Variants in SYNPO2 observed in about 807,000 individuals in gnomAD.
SYNPO2 encodes synaptopodin 2.
Under a neutral mutation model 85.0 loss-of-function variants are expected in SYNPO2, and 56 were observed. The ratio of observed to expected loss-of-function variants is 0.66; its 90% CI spans 0.53 to 0.82. SYNPO2 has a LOEUF of 0.82. SYNPO2 is among the 40% of genes least tolerant of loss of function. SYNPO2 has a pLI of 0.00. For synonymous variants in SYNPO2, 602 were observed against 591.1 expected (o/e 1.02, Z -0.27); for missense variants, 1,575 against 1,534.2 (o/e 1.03, Z -0.44).
intron 1 of SYNPO2, among the ~76,000 whole-genome samples, chr4:118,949,578 TAA>T (rs374941257): frequency 1.2e-4 from 15 of 121,676 alleles, no homozygotes; most frequent in East Asian, 2.3e-4. Context: ...CTGTCTCTAC[TAA>T]AAAAAAAAAA....
upstream of SYNPO2, among the ~76,000 whole-genome samples, chr4:118,885,869 G>C (rs1156476966): frequency 1.3e-5 from 2 of 152,214 alleles, no homozygotes; most frequent in Non-Finnish European, 2.9e-5. Context: ...CAATGATTAA[G>C]AATAGGTATT....
At chr4:118,857,993 GA>G (rs1439682402) in intron 1 of SYNPO2, among the ~76,000 whole-genome samples, 5 of 152,154 alleles carry the variant, frequency 3.3e-5, no homozygotes, top group African/African-American at 1.2e-4. Flanking sequence ...TCATGTTATT[GA>G]AAAACACAGG....
chr4:118,863,566 T>A (rs949771501), intron 1 of SYNPO2, among the ~76,000 whole-genome samples: 2 of 152,204 alleles, frequency 1.3e-5, no homozygotes, highest in Non-Finnish European at 2.9e-5. Flanking sequence ...ACTCTGCTAA[T>A]GTTTGTCAAT....
Position 118,852,168 on chromosome 4 carries a change from G to A in SYNPO2, c.12+1228G>A, listed in dbSNP as rs181303461. On this transcript the variant is annotated intron_variant, in intron 1 of 4. Coordinates refer to the SYNPO2 transcript ENST00000610556. ...GGGAAATGCAAATCAAAACCACAATGAGCTGCCATCTCACACTAGTCAGAA... is the reference window on the plus strand; with the variant it reads ...GGGAAATGCAAATCAAAACCACAATAAGCTGCCATCTCACACTAGTCAGAA... Among the ~76,000 whole-genome samples, 137 of 152,294 alleles carry A rather than the reference G, an allele frequency of 9.0e-4. 2 individuals are homozygous for A. The Middle Eastern group carries it at 0.02, about 23-fold the overall frequency.
At chr4:118,923,455 C>A (rs550246535) in intron 1 of SYNPO2, among the ~76,000 whole-genome samples, 2 of 152,126 alleles carry the variant, frequency 1.3e-5, no homozygotes, top group South Asian at 4.2e-4. Flanking sequence ...GTGCTTATTA[C>A]CTGGGCGATG....
chr4:119,056,768 G>A (rs972362631), intron 4 of SYNPO2, among the ~76,000 whole-genome samples: 3 of 152,080 alleles, frequency 2.0e-5, no homozygotes, highest in East Asian at 1.9e-4. Context: ...CCATGTGATC[G>A]TCACCATATA....
At chr4:119,026,293 A>C (rs1737939377) in intron 2 of SYNPO2, among the ~76,000 whole-genome samples, 3 of 152,232 alleles carry the variant, frequency 2.0e-5, no homozygotes, top group African/African-American at 7.2e-5. Context: ...ACATTCTAGC[A>C]AACTCATTAT....
intron 1 of SYNPO2, among the ~76,000 whole-genome samples, chr4:119,000,515 A>C (rs889581132): frequency 7.2e-5 from 11 of 152,080 alleles, no homozygotes; most frequent in African/African-American, 2.7e-4. Context: ...GAGTAATACA[A>C]CCCCAGGGAT....
chr4:118,915,204 C>A (rs1033028135), intron 1 of SYNPO2, among the ~76,000 whole-genome samples: 1 of 151,916 alleles, frequency 6.6e-6, no homozygotes, highest in African/African-American at 2.4e-5. Flanking sequence ...CTAATAATAT[C>A]ATAAACATAT....
chr4:118,936,272 A>G (rs183167699), intron 1 of SYNPO2, among the ~76,000 whole-genome samples: 1 of 152,218 alleles, frequency 6.6e-6, no homozygotes, highest in East Asian at 1.9e-4. Flanking sequence ...TCTCAAACAT[A>G]TCTCCATCGT....
At chr4:119,033,003 T>C in intron 4 of SYNPO2, 2 of 984,062 alleles carry the variant, frequency 2.0e-6, no homozygotes, top group Non-Finnish European at 2.4e-6. Context: ...CATAAGTTTG[T>C]TTTCCTCAGC....
At chr4:118,915,118 T>C (rs1055669809) in intron 1 of SYNPO2, among the ~76,000 whole-genome samples, 26 of 152,082 alleles carry the variant, frequency 1.7e-4, no homozygotes, top group African/African-American at 5.6e-4. Flanking sequence ...TATTTTTAAA[T>C]TTTACTTTGG....
intron 1 of SYNPO2, among the ~76,000 whole-genome samples, chr4:118,988,779 C>T (rs997755163): frequency 1.3e-5 from 2 of 152,102 alleles, no homozygotes; most frequent in Non-Finnish European, 2.9e-5. Flanking sequence ...TTGGCTTTGC[C>T]CAAGCACAGT....
At chr4:118,851,878 A>AAGGCATAT (rs1553933400) in intron 1 of SYNPO2, among the ~76,000 whole-genome samples, 1 of 151,604 alleles carries the variant, frequency 6.6e-6, no homozygotes, top group Non-Finnish European at 1.5e-5. Context: ...GGTGGGGGAA[A>AAGGCATAT]GGGCATATTT....
intron 1 of SYNPO2, among the ~76,000 whole-genome samples, chr4:118,973,661 G>T (rs1333500453): frequency 6.6e-6 from 1 of 152,100 alleles, no homozygotes; most frequent in Non-Finnish European, 1.5e-5. Flanking sequence ...TTGGGCAAAT[G>T]CCAGTTCATA....
intron 1 of SYNPO2, among the ~76,000 whole-genome samples, chr4:118,911,466 C>G (rs1010047949): frequency 7.2e-5 from 11 of 152,158 alleles, no homozygotes; most frequent in African/African-American, 2.7e-4. Context: ...AATCTAGTCA[C>G]CTTTCAAGCA....
chr4:118,936,217 A>C (rs1196042629), intron 1 of SYNPO2, among the ~76,000 whole-genome samples: 1 of 152,186 alleles, frequency 6.6e-6, no homozygotes, highest in Non-Finnish European at 1.5e-5. Context: ...TATACCATCT[A>C]GGTTTGTTTA....
At chr4:118,952,191 A>T (rs1489048751) in intron 1 of SYNPO2, among the ~76,000 whole-genome samples, 1 of 152,248 alleles carries the variant, frequency 6.6e-6, no homozygotes, top group Non-Finnish European at 1.5e-5. Context: ...TATTGTGAAG[A>T]TCAATTACAG....
At chr4:118,935,946 C>T (rs1327727288) in intron 1 of SYNPO2, among the ~76,000 whole-genome samples, 1 of 152,036 alleles carries the variant, frequency 6.6e-6, no homozygotes, top group African/African-American at 2.4e-5. Context: ...GTTGATTTTG[C>T]TGTCTTAGGG....
Sources: gnomAD v4.1 joint callset for allele counts (sites outside exome capture counted in the v4.1 genomes callset) on GRCh38, gnomAD v4.1.1 for gene constraint, MANE v1.5 for transcripts, NCBI Gene and HGNC (gene_info 2026-07-23, HGNC 2026-07-21) for gene names.